The following NEXMIF variants were observed in gnomAD, a reference collection of about 807,000 sequenced individuals.
NEXMIF encodes the protein XLMR protein related to neurite extension.
Under a neutral mutation model 62.1 loss-of-function variants are expected in NEXMIF, and 8 were observed. The ratio of observed to expected loss-of-function variants is 0.13; its 90% confidence interval spans 0.08 to 0.23. The LOEUF (loss-of-function observed/expected upper bound fraction) is 0.23. NEXMIF is among the 10% of genes least tolerant of loss of function. NEXMIF has a pLI of 1.00. For synonymous variants in NEXMIF, 404 were observed against 416.6 expected, an observed-to-expected ratio of 0.97 and a Z score of 0.37; for missense variants, 976 against 1,113.3, an observed-to-expected ratio of 0.88 and a Z score of 1.75.
At chrX:74,789,915 T>C (rs1306707112) in intron 1 of NEXMIF, among the ~76,000 whole-genome samples, 1 of 106,921 alleles carries the variant, frequency 9.4e-6, no homozygotes, top group Non-Finnish European at 1.9e-5. Context: ...TTTTCTCCCA[T>C]TTTGTGGGTT....
At chrX:74,851,276 T>C (rs1024998474) in intron 1 of NEXMIF, among the ~76,000 whole-genome samples, 12 of 111,112 alleles carry the variant, frequency 1.1e-4, no homozygotes, top group Non-Finnish European at 1.5e-4. Context: ...AAAAGGTGAA[T>C]AGAAGAACAA....
At chrX:74,889,459 T>A (rs1467545590) in intron 1 of NEXMIF, among the ~76,000 whole-genome samples, 1 of 112,133 alleles carries the variant, frequency 8.9e-6, no homozygotes, top group East Asian at 2.8e-4. Flanking sequence ...TTTTATTTAT[T>A]TACTTATTTA....
At position 74,866,868 on chromosome X, in the gene NEXMIF, C is replaced by T. The variant is rs774112596; in HGVS notation, c.-48+58015G>A. Among the ~76,000 whole-genome samples, 5 of 112,591 alleles carry T rather than the reference C, an allele frequency of 4.4e-5. No individual in the cohort carries two copies. In the East Asian group the frequency reaches 1.1e-3, roughly 25 times the overall value. On this transcript the variant is annotated intron_variant, in intron 1 of 3. Transcript: ENST00000055682. Reference sequence around the variant, plus strand: ...ATGTGAAACTATTGAGTCCACTAAACCTCCTTGCTTTATAAACTACCCAGT... The same window carrying T: ...ATGTGAAACTATTGAGTCCACTAAATCTCCTTGCTTTATAAACTACCCAGT...
rs1434548010 is a variant in NEXMIF at position 74,744,923 on chromosome X, T to TC, written c.80-447dup. ...TCTCTCTCTCTCTCTCTCTCTCTTC[T>TC]CTCTCTCCTCTCTCTCTCTCTCTCT... On this transcript the variant is annotated intron_variant, in intron 2 of 3. Transcript: ENST00000055682. Among the ~76,000 whole-genome samples the TC allele has an allele frequency of 1.6e-3, 31 of 18,850 alleles. No homozygotes were observed. The South Asian group carries it at 0.037, about 23-fold the overall frequency. 16.4% of individuals were successfully genotyped at this position (18,850 alleles called of 115,157 possible). A position where few individuals can be genotyped will look rare whatever the true frequency, so the allele number is the denominator to read the frequency against.
At chrX:74,876,068 T>C (rs1335461928) in intron 1 of NEXMIF, among the ~76,000 whole-genome samples, 2 of 111,555 alleles carry the variant, frequency 1.8e-5, no homozygotes, top group Admixed American at 9.6e-5. Flanking sequence ...GCTTTTCTAG[T>C]TCCTTTGTGA....
rs1035704146 is a variant in NEXMIF, at chrX:74,739,767, C to A, written c.4458-269G>T. 4.5e-5 allele frequency among the ~76,000 whole-genome samples: 5 copies of A among 110,401 alleles called. No individual in the cohort carries two copies. In the South Asian group the frequency reaches 1.1e-3, roughly 25 times the overall value. On this transcript the variant is annotated intron_variant, in intron 3 of 3. Transcript: ENST00000055682. ...TTTCAAAATCTGTCTTACTGCAAAG[C>A]CTTTCACTTCCAAAAATCATTCAAG...
rs759384078 is a variant in NEXMIF at position 74,741,050 on chromosome X, G to A, written c.3507C>T (p.Asn1169=). 1.8e-5 allele frequency: 22 copies of A among 1,209,626 alleles called. No homozygotes were observed. Among genetic ancestry groups the A allele is most frequent in the Non-Finnish European group, 2.3e-5 (21 of 894,944 alleles). The part of the protein sequence containing the change: ...FNDPSGQIST[N]NKVSKSRKKS... The stretch of plus-strand genomic sequence containing the variant: ...TCTTTCTTGATTTTGACACTTTGTT[G>A]TTGGTACTAATTTGACCAGATGGAT... Residue 1169 remains asparagine (N), a synonymous_variant, in exon 3 of 4, where the codon AAC becomes AAT. Transcript: ENST00000055682.
chrX:74,783,300 T>A (rs2080251751), intron 1 of NEXMIF, among the ~76,000 whole-genome samples: 1 of 111,260 alleles, frequency 9.0e-6, no homozygotes, highest in African/African-American at 3.3e-5. Context: ...TTAAATGGGG[T>A]GAAATGTAGG....
intron 1 of NEXMIF, among the ~76,000 whole-genome samples, chrX:74,789,867 G>T (rs2080273721): frequency 1.9e-5 from 2 of 107,444 alleles, no homozygotes; most frequent in Non-Finnish European, 3.9e-5. Flanking sequence ...TGTAGATTCT[G>T]GATATTAGCC....
intron 1 of NEXMIF, among the ~76,000 whole-genome samples, chrX:74,881,716 A>G (rs772332345): frequency 1.4e-4 from 11 of 79,506 alleles, no homozygotes; most frequent in African/African-American, 7.1e-4. Flanking sequence ...CACCATGAGA[A>G]CCATGGCCTT....
At chrX:74,923,655 A>C (rs1385081191) in intron 1 of NEXMIF, among the ~76,000 whole-genome samples, 1 of 112,071 alleles carries the variant, frequency 8.9e-6, no homozygotes, top group Non-Finnish European at 1.9e-5. Flanking sequence ...AGACCATTAC[A>C]GCACCTTTTC....
At chrX:74,888,377 T>C (rs2080705211) in intron 1 of NEXMIF, among the ~76,000 whole-genome samples, 2 of 108,272 alleles carry the variant, frequency 1.8e-5, no homozygotes, top group Non-Finnish European at 3.8e-5. Context: ...AAAGGATGAG[T>C]TCATGTCCCT....
chrX:74,795,412 TG>T (rs1316690842), intron 1 of NEXMIF, among the ~76,000 whole-genome samples: 1 of 112,362 alleles, frequency 8.9e-6, no homozygotes, highest in Admixed American at 9.4e-5. Flanking sequence ...AAATGCATTT[TG>T]CTAGGAGACA....
rs186649271 is a variant in NEXMIF, at chrX:74,815,789, C to T, written c.-47-70092G>A. ...AGCTGGGATTACAGGCACGTGCCAC[C>T]ATTCCCGGCTAATTTTTTGTATCTT... On this transcript the variant is annotated intron_variant, in intron 1 of 3. Transcript: ENST00000055682. Among the ~76,000 whole-genome samples, 348 of 109,743 alleles carry T rather than the reference C, an allele frequency of 3.2e-3. 2 individuals are homozygous for T. The highest frequency in any genetic ancestry group is 0.011 in the African/African-American group (332 of 30,091).
At chrX:74,757,916 A>T (rs964356207) in intron 1 of NEXMIF, among the ~76,000 whole-genome samples, 2 of 111,856 alleles carry the variant, frequency 1.8e-5, no homozygotes, top group Admixed American at 9.6e-5. Flanking sequence ...TGTTAGCTTG[A>T]CACACTAGGG....
intron 1 of NEXMIF, among the ~76,000 whole-genome samples, chrX:74,804,587 C>T (rs2080339373): frequency 8.9e-6 from 1 of 112,035 alleles, no homozygotes; most frequent in Non-Finnish European, 1.9e-5. Context: ...ACTCTGCCTG[C>T]TGCCTTATCC....
At chrX:74,788,672 T>A (rs1447994276) in intron 1 of NEXMIF, among the ~76,000 whole-genome samples, 1 of 111,611 alleles carries the variant, frequency 9.0e-6, no homozygotes, top group East Asian at 2.8e-4. Flanking sequence ...TTACACAAAT[T>A]TAGCTGTTGG....
chrX:74,744,616 A>G (rs1359145057), intron 2 of NEXMIF, 139 bp from the exon 3 acceptor site: 3 of 395,201 alleles, frequency 7.6e-6, no homozygotes, highest in African/African-American at 7.4e-5. Flanking sequence ...CTTTACAAAT[A>G]AAAACTACAA....
At chrX:74,894,448 A>G (rs1366997164) in intron 1 of NEXMIF, among the ~76,000 whole-genome samples, 1 of 112,046 alleles carries the variant, frequency 8.9e-6, no homozygotes, top group East Asian at 2.8e-4. Flanking sequence ...GACTATGCCA[A>G]AAAATAAAGG....
Sources: gnomAD v4.1 joint callset for allele counts (sites outside exome capture counted in the v4.1 genomes callset) on GRCh38, gnomAD v4.1.1 for gene constraint, MANE v1.5 for transcripts, NCBI Gene and HGNC (gene_info 2026-07-23, HGNC 2026-07-21) for gene names.